The following ERBB4 variants were observed in gnomAD, a reference collection of about 807,000 sequenced individuals.
ERBB4 encodes erb-b2 receptor tyrosine kinase 4.
ERBB4 carries 42 observed loss-of-function variants against 158.0 expected under a neutral mutation model. The ratio of observed to expected loss-of-function variants is 0.27; its 90% confidence interval spans 0.21 to 0.34. ERBB4 has a LOEUF of 0.34. ERBB4 is among the 10% of genes least tolerant of loss of function. The pLI is 1.00. For missense variants in ERBB4, 1,333 were observed against 1,624.1 expected (o/e 0.82, Z 3.08); for synonymous variants, 583 against 558.7 (o/e 1.04, Z -0.61).
At chr2:211,501,593 T>C (rs563844042) in intron 20 of ERBB4, among the ~76,000 whole-genome samples, 1 of 152,094 alleles carries the variant, frequency 6.6e-6, no homozygotes, top group South Asian at 2.1e-4. Flanking sequence ...TTTAGTCCTG[T>C]TTCTGAATGT....
intron 1 of ERBB4, among the ~76,000 whole-genome samples, chr2:212,411,098 A>G (rs2091484870): frequency 6.6e-6 from 1 of 152,186 alleles, no homozygotes; most frequent in Non-Finnish European, 1.5e-5. Context: ...TAAAATAAAC[A>G]CAGCTCAAGT....
intron 4 of ERBB4, among the ~76,000 whole-genome samples, chr2:211,785,313 G>C (rs2076134722): frequency 1.3e-5 from 2 of 152,064 alleles, no homozygotes; most frequent in Admixed American, 1.3e-4. Flanking sequence ...GTGTTAGCCA[G>C]GATGGTCTCG....
At chr2:211,786,918 C>A (rs973863652) in intron 4 of ERBB4, among the ~76,000 whole-genome samples, 2 of 152,110 alleles carry the variant, frequency 1.3e-5, no homozygotes, top group Admixed American at 6.5e-5. Flanking sequence ...AACATGAATG[C>A]CATAAAGGGA....
rs1553558603 is a variant in ERBB4 at position 212,102,090 on chromosome 2, T to TATATATATATATATATATATA, written c.234+22661_234+22662insTATATATATATATATATATAT. Reference sequence around the variant, plus strand: ...AAATCATATACGTTGAAAATTTATTTTATATATATATATATATATATATGT... The same window carrying TATATATATATATATATATATA: ...AAATCATATACGTTGAAAATTTATTTATATATATATATATATATATATATATATATATATATATATATATGT... On this transcript the variant is annotated intron_variant, in intron 2 of 27. Coordinates refer to ENST00000342788, the MANE Select transcript of ERBB4 (RefSeq NM_005235.3). Among the ~76,000 whole-genome samples, 269 of 107,942 alleles carry TATATATATATATATATATATA rather than the reference T, an allele frequency of 2.5e-3. 7 individuals carry two copies. The highest frequency in any genetic ancestry group is 9.2e-3 in the South Asian group (26 of 2,814). 70.8% of individuals were successfully genotyped at this position (107,942 alleles called of 152,430 possible). A position where few individuals can be genotyped will look rare whatever the true frequency, so the allele number is the denominator to read the frequency against.
chr2:212,362,554 A>C (rs16848459), intron 1 of ERBB4, among the ~76,000 whole-genome samples: 2,380 of 150,732 alleles, frequency 0.016, 72 homozygotes, highest in African/African-American at 0.055. Flanking sequence ...TTCATGCCAA[A>C]TGTGCTTAGA....
intron 22 of ERBB4, among the ~76,000 whole-genome samples, chr2:211,425,488 A>G (rs1262515643): frequency 1.3e-5 from 2 of 151,952 alleles, no homozygotes; most frequent in Non-Finnish European, 2.9e-5. Flanking sequence ...AATTTAATTG[A>G]CTGATTGTTA....
At chr2:212,118,913 TCTGA>T (rs1460364723) in intron 2 of ERBB4, among the ~76,000 whole-genome samples, 4 of 152,170 alleles carry the variant, frequency 2.6e-5, no homozygotes, top group African/African-American at 9.6e-5. Context: ...AACTATACTT[TCTGA>T]CTTTTTCAAA....
intron 1 of ERBB4, among the ~76,000 whole-genome samples, chr2:212,345,905 A>ATATATTTGAATTCTCCGAAAAAGAT (rs2088974809): frequency 6.6e-6 from 1 of 152,202 alleles, no homozygotes; most frequent in African/African-American, 2.4e-5. Context: ...AGGTCAGAAA[A>ATATATTTGAATTCTCCGAAAAAGAT]TATATTTGAA....
intron 2 of ERBB4, among the ~76,000 whole-genome samples, chr2:212,033,493 A>G (rs2076948074): frequency 6.6e-6 from 1 of 151,918 alleles, no homozygotes; most frequent in African/African-American, 2.4e-5. Flanking sequence ...AAAGCAAAAA[A>G]ACTTTTCCAA....
In ERBB4 at chr2:212,148,909, G is replaced by T. The variant is rs543723227; in HGVS notation, c.83-24006C>A. ...AAACCATCATTCTCAGTAAACTATC[G>T]CAAGAACAAAAAACCAAACACCGCA... is the stretch of plus-strand genomic sequence containing the variant. On this transcript the variant is annotated intron_variant, in intron 1 of 27. Coordinates refer to ENST00000342788, the MANE Select transcript of ERBB4 (RefSeq NM_005235.3). Among the ~76,000 whole-genome samples, 12 of 141,814 alleles carry T rather than the reference G, an allele frequency of 8.5e-5. No individual in the cohort carries two copies. The South Asian group carries it at 2.6e-3, about 31-fold the overall frequency. The allele number at this position is 141,814 out of a possible 152,430, so 93.0% of individuals were successfully genotyped here.
intron 25 of ERBB4, among the ~76,000 whole-genome samples, chr2:211,415,107 C>CTTTTTTTTTTTTTTTTTTTTTTT: frequency 1.4e-5 from 1 of 72,506 alleles, no homozygotes; most frequent in Non-Finnish European, 2.5e-5. Context: ...CTTACATTTT[C>CTTTTTTTTTTTTTTTTTTTTTTT]TTTTTTTTTT....
chr2:211,475,913 T>A (rs1411653957), intron 20 of ERBB4, among the ~76,000 whole-genome samples: 1 of 152,062 alleles, frequency 6.6e-6, no homozygotes, highest in East Asian at 1.9e-4. Context: ...AATAGAGTAG[T>A]GGAAAACATA....
intron 1 of ERBB4, among the ~76,000 whole-genome samples, chr2:212,146,691 G>A (rs2080685965): frequency 6.6e-6 from 1 of 152,072 alleles, no homozygotes; most frequent in East Asian, 1.9e-4. Flanking sequence ...CCTAACTACG[G>A]CAAGCATTCA....
intron 1 of ERBB4, among the ~76,000 whole-genome samples, chr2:212,275,457 T>C (rs897935016): frequency 2.0e-5 from 3 of 151,968 alleles, no homozygotes; most frequent in South Asian, 4.1e-4. Context: ...TTTTTAATGA[T>C]TGCCATTCTA....
chr2:212,197,103 G>C (rs1210910634), intron 1 of ERBB4, among the ~76,000 whole-genome samples: 1 of 152,096 alleles, frequency 6.6e-6, no homozygotes, highest in Non-Finnish European at 1.5e-5. Flanking sequence ...GCTGGGGGAA[G>C]AGACAAATTT....
intron 13 of ERBB4, among the ~76,000 whole-genome samples, chr2:211,678,775 G>C (rs1052702560): frequency 1.3e-5 from 2 of 151,756 alleles, no homozygotes; most frequent in Non-Finnish European, 2.9e-5. Context: ...GACCATCCTG[G>C]CTAACACGGT....
chr2:211,971,295 C>T (rs2081445149), intron 2 of ERBB4, among the ~76,000 whole-genome samples: 2 of 152,082 alleles, frequency 1.3e-5, no homozygotes, highest in Non-Finnish European at 2.9e-5. Flanking sequence ...TTTCTCTATG[C>T]TCATAAACTA....
intron 3 of ERBB4, among the ~76,000 whole-genome samples, chr2:211,835,678 C>T (rs1467494630): frequency 1.3e-5 from 2 of 151,906 alleles, no homozygotes; most frequent in African/African-American, 4.8e-5. Flanking sequence ...CTTTGAATTC[C>T]TATGTCATTT....
intron 4 of ERBB4, chr2:211,778,863 T>G (rs934189074): frequency 6.6e-6 from 1 of 152,270 alleles, no homozygotes; most frequent in Non-Finnish European, 1.5e-5. Context: ...CTTTCCCTTC[T>G]AGTCCTAGCC....
Sources: gnomAD v4.1 joint callset for allele counts (sites outside exome capture counted in the v4.1 genomes callset) on GRCh38, gnomAD v4.1.1 for gene constraint, MANE v1.5 for transcripts, NCBI Gene and HGNC (gene_info 2026-07-23, HGNC 2026-07-21) for gene names.